The following ERC2 variants were observed in gnomAD, a reference collection of about 807,000 sequenced individuals.
ERC2 encodes the protein ELKS/RAB6-interacting/CAST family member 2.
Under a neutral mutation model 114.8 loss-of-function variants are expected in ERC2, and 42 were observed. The observed-to-expected ratio is 0.37, with a 90% confidence interval of 0.29 to 0.47. ERC2 has a LOEUF of 0.47. ERC2 is among the 20% of genes least tolerant of loss of function. The pLI is 0.99. For missense variants in ERC2, 939 were observed against 1,150.7 expected (o/e 0.82, Z 2.66); for synonymous variants, 454 against 425.5 (o/e 1.07, Z -0.82).
intron 15 of ERC2, among the ~76,000 whole-genome samples, chr3:55,705,361 G>A (rs891497987): frequency 6.6e-6 from 1 of 152,142 alleles, no homozygotes; most frequent in African/African-American, 2.4e-5. Context: ...GCAGGTCAAT[G>A]AGGGGAACTA....
At chr3:56,275,146 G>A (rs113143542) in intron 3 of ERC2, among the ~76,000 whole-genome samples, 298 of 152,298 alleles carry the variant, frequency 2.0e-3, no homozygotes, top group African/African-American at 6.6e-3. Flanking sequence ...AGCAATGGAA[G>A]GGCCAGACTA....
At chr3:55,974,679 G>A (rs976420591) in intron 12 of ERC2, among the ~76,000 whole-genome samples, 2 of 152,256 alleles carry the variant, frequency 1.3e-5, no homozygotes, top group Admixed American at 6.5e-5. Flanking sequence ...TCCTTGAAGC[G>A]CATCCAGAGC....
At chr3:56,151,424 C>G (rs2081406215) in intron 4 of ERC2, among the ~76,000 whole-genome samples, 1 of 152,110 alleles carries the variant, frequency 6.6e-6, no homozygotes, top group South Asian at 2.1e-4. Flanking sequence ...TCATATCTCA[C>G]ATCATGAGCA....
At chr3:56,442,162 C>A (rs1268484248) in intron 1 of ERC2, among the ~76,000 whole-genome samples, 1 of 152,126 alleles carries the variant, frequency 6.6e-6, no homozygotes, top group Non-Finnish European at 1.5e-5. Context: ...AAAAAAATCC[C>A]GAATTACGAA....
intron 7 of ERC2, 119 bp downstream of exon 7, chr3:56,080,697 AT>A: frequency 1.0e-6 from 1 of 977,984 alleles, no homozygotes. Context: ...CAGTATGAAA[AT>A]CAGCCTATTC....
chr3:56,209,285 C>T (rs1035068514), intron 3 of ERC2, among the ~76,000 whole-genome samples: 4 of 152,282 alleles, frequency 2.6e-5, no homozygotes, highest in African/African-American at 7.2e-5. Flanking sequence ...CTCTGTCTGG[C>T]CTGCTTCCTG....
At chr3:56,439,237 A>C (rs1239975603) in intron 1 of ERC2, among the ~76,000 whole-genome samples, 2 of 152,142 alleles carry the variant, frequency 1.3e-5, no homozygotes, top group Admixed American at 6.6e-5. Flanking sequence ...TTGAGGACAG[A>C]AGTTCAAGAC....
At chr3:55,707,420 C>A (rs1327428006) in intron 15 of ERC2, among the ~76,000 whole-genome samples, 1 of 147,062 alleles carries the variant, frequency 6.8e-6, no homozygotes, top group African/African-American at 2.5e-5. Flanking sequence ...GCCTAGGCAA[C>A]AGAATGAGAT....
chr3:56,276,459 T>TAAAA (rs766683320), intron 3 of ERC2, among the ~76,000 whole-genome samples: 50 of 82,916 alleles, frequency 6.0e-4, no homozygotes, highest in South Asian at 4.3e-3. Flanking sequence ...CAAACTCAGC[T>TAAAA]AAAAAAAAAA....
chr3:56,224,645 C>T (rs1398412087), intron 3 of ERC2, among the ~76,000 whole-genome samples: 3 of 152,044 alleles, frequency 2.0e-5, no homozygotes, highest in African/African-American at 4.8e-5. Context: ...CACTGAAACA[C>T]GGGTCAAGGC....
chr3:55,674,293 A>G (rs2061688226), intron 17 of ERC2, among the ~76,000 whole-genome samples: 1 of 152,186 alleles, frequency 6.6e-6, no homozygotes, highest in South Asian at 2.1e-4. Context: ...GAGCCTGGGT[A>G]CTGCCCAACC....
At chr3:56,195,909 A>G (rs1345297893) in intron 3 of ERC2, among the ~76,000 whole-genome samples, 1 of 152,104 alleles carries the variant, frequency 6.6e-6, no homozygotes, top group Non-Finnish European at 1.5e-5. Flanking sequence ...AATCCTAATA[A>G]CCTGATCCTT....
intron 6 of ERC2, among the ~76,000 whole-genome samples, chr3:56,081,444 C>T (rs1232481987): frequency 6.6e-6 from 1 of 151,974 alleles, no homozygotes; most frequent in Non-Finnish European, 1.5e-5. Context: ...AGAAACACTC[C>T]TAAATTAGAA....
intron 17 of ERC2, among the ~76,000 whole-genome samples, chr3:55,589,599 T>C (rs149187388): frequency 1.8e-4 from 28 of 152,238 alleles, no homozygotes; most frequent in Admixed American, 8.5e-4. Context: ...TGAGGAGTCC[T>C]TGGGGTGGCA....
intron 17 of ERC2, among the ~76,000 whole-genome samples, chr3:55,649,629 G>A (rs1474305505): frequency 3.3e-5 from 5 of 152,184 alleles, no homozygotes; most frequent in African/African-American, 1.2e-4. Flanking sequence ...AAGTGCAGGT[G>A]CAGGGTGAAG....
chr3:56,145,676 G>GTT (rs569671455), intron 5 of ERC2, among the ~76,000 whole-genome samples: 280 of 152,254 alleles, frequency 1.8e-3, no homozygotes, highest in Admixed American at 4.0e-3. Context: ...GGCTGACTAT[G>GTT]TTTTGTATTC....
intron 13 of ERC2, among the ~76,000 whole-genome samples, chr3:55,925,785 A>C (rs1486080496): frequency 6.6e-6 from 1 of 152,202 alleles, no homozygotes; most frequent in Non-Finnish European, 1.5e-5. Flanking sequence ...GCCAGCAGAG[A>C]CAAACGACCA....
At chr3:55,772,969 C>G (rs188700404) in intron 14 of ERC2, among the ~76,000 whole-genome samples, 51 of 152,304 alleles carry the variant, frequency 3.3e-4, no homozygotes, top group African/African-American at 1.1e-3. Context: ...ACTGCCAAGA[C>G]CTGGTGGGGC....
chr3:56,048,119 T>C (rs942907076), intron 7 of ERC2, among the ~76,000 whole-genome samples: 1 of 152,226 alleles, frequency 6.6e-6, no homozygotes, highest in African/African-American at 2.4e-5. Context: ...GATAAGCAAG[T>C]CAAATCTGCT....
Sources: gnomAD v4.1 joint callset for allele counts (sites outside exome capture counted in the v4.1 genomes callset) on GRCh38, gnomAD v4.1.1 for gene constraint, MANE v1.5 for transcripts, NCBI Gene and HGNC (gene_info 2026-07-23, HGNC 2026-07-21) for gene names.